DOCK4: variants seen among roughly 807,000 people sequenced by gnomAD.
The protein encoded by DOCK4 is dedicator of cytokinesis protein 4.
In DOCK4, 97 loss-of-function variants were observed where a neutral mutation model predicts 268.1. That is an observed-to-expected ratio of 0.36 (90% CI 0.31 to 0.43). DOCK4 has a LOEUF of 0.43. Among genes scored for constraint, DOCK4 ranks in the 20% least tolerant of loss-of-function variants. The pLI is 1.00. For synonymous variants in DOCK4, 954 were observed against 887.2 expected, an observed-to-expected ratio of 1.08 and a Z score of -1.34; for missense variants, 2,145 against 2,455.7, an observed-to-expected ratio of 0.87 and a Z score of 2.67.
Position 111,838,942 on chromosome 7 carries a change from C to T in DOCK4, c.2737-4256G>A, listed in dbSNP as rs183815157. Among the ~76,000 whole-genome samples, 5 of 152,286 alleles carry T rather than the reference C, an allele frequency of 3.3e-5. No individual in the cohort carries two copies. The East Asian group carries it at 9.6e-4, about 29-fold the overall frequency. ...ATGGAATGGCACTATGTGTAAATTA[C>T]CATACTTTGACTATGCTATTGAGTT... On this transcript the variant is annotated intron_variant, in intron 25 of 52. Coordinates refer to ENST00000428084, the MANE Select transcript of DOCK4 (RefSeq NM_001363540.2).
chr7:111,734,590 C>G (rs560187083), intron 51 of DOCK4, among the ~76,000 whole-genome samples: 1 of 152,292 alleles, frequency 6.6e-6, no homozygotes, highest in East Asian at 1.9e-4. Flanking sequence ...CAACAGATAA[C>G]TATGGATACA....
At chr7:111,895,540 AATGATAAG>A in intron 16 of DOCK4, 64 bp downstream of exon 16, 3 of 1,293,266 alleles carry the variant, frequency 2.3e-6, no homozygotes, top group Non-Finnish European at 3.3e-6. Flanking sequence ...CTCTTTTCAA[AATGATAAG>A]ATAGTGAGGT....
chr7:111,957,682 T>C (rs552492407), intron 8 of DOCK4, among the ~76,000 whole-genome samples: 3 of 152,320 alleles, frequency 2.0e-5, no homozygotes, highest in African/African-American at 7.2e-5. Flanking sequence ...TGTTCCTGTT[T>C]TATTCAATGA....
At chr7:112,154,119 T>C (rs1816370823) in intron 1 of DOCK4, among the ~76,000 whole-genome samples, 1 of 151,940 alleles carries the variant, frequency 6.6e-6, no homozygotes, top group African/African-American at 2.4e-5. Context: ...CCACGAGCAT[T>C]TGCCACCATG....
At chr7:111,810,614 A>T (rs56073539) in intron 28 of DOCK4, among the ~76,000 whole-genome samples, 10,490 of 151,450 alleles carry the variant, frequency 0.069, 1,211 homozygotes, top group African/African-American at 0.24. Flanking sequence ...ATCTCTTCTA[A>T]TGTTGGTGTA....
chr7:112,113,053 T>C (rs896209844), intron 1 of DOCK4, among the ~76,000 whole-genome samples: 2 of 152,172 alleles, frequency 1.3e-5, no homozygotes, highest in African/African-American at 4.8e-5. Context: ...GAAATTATAC[T>C]ACTGCATATT....
chr7:111,813,981 G>A (rs1801345433), intron 27 of DOCK4, among the ~76,000 whole-genome samples: 1 of 152,178 alleles, frequency 6.6e-6, no homozygotes, highest in Non-Finnish European at 1.5e-5. Context: ...CTGCTTTGAT[G>A]TTCAACGAGA....
intron 1 of DOCK4, among the ~76,000 whole-genome samples, chr7:112,039,797 A>C (rs1226652420): frequency 6.6e-6 from 1 of 152,168 alleles, no homozygotes; most frequent in East Asian, 1.9e-4. Context: ...TTCCCATGTT[A>C]ATAACTGAGT....
chr7:111,771,055 G>T (rs778171995), intron 36 of DOCK4, among the ~76,000 whole-genome samples: 27 of 152,174 alleles, frequency 1.8e-4, no homozygotes, highest in Non-Finnish European at 7.3e-5. Flanking sequence ...CATTCAGTTT[G>T]CACAGTTAGC....
intron 8 of DOCK4, among the ~76,000 whole-genome samples, chr7:111,955,590 C>T (rs941407312): frequency 4.6e-5 from 7 of 152,094 alleles, no homozygotes; most frequent in African/African-American, 7.2e-5. Context: ...TTCTCCGTCA[C>T]GCTATTTGTC....
At chr7:111,850,745 T>G (rs10225884) in intron 23 of DOCK4, among the ~76,000 whole-genome samples, 57,644 of 145,040 alleles carry the variant, frequency 0.4, 16,212 homozygotes, top group African/African-American at 0.8. Context: ...ACCCCTGCCC[T>G]CAAGAGAACA....
At chr7:112,190,590 C>A (rs895184872) in intron 1 of DOCK4, among the ~76,000 whole-genome samples, 1 of 151,504 alleles carries the variant, frequency 6.6e-6, no homozygotes, top group Non-Finnish European at 1.5e-5. Flanking sequence ...TTGCCCAGCA[C>A]GGGATGAGAT....
At chr7:111,777,901 C>T (rs1300754677) in intron 36 of DOCK4, among the ~76,000 whole-genome samples, 5 of 152,130 alleles carry the variant, frequency 3.3e-5, no homozygotes, top group Non-Finnish European at 7.4e-5. Flanking sequence ...AACTGTAAGT[C>T]AATTAAACCT....
chr7:112,036,419 G>T (rs1803770013), intron 1 of DOCK4, among the ~76,000 whole-genome samples: 1 of 152,014 alleles, frequency 6.6e-6, no homozygotes, highest in South Asian at 2.1e-4. Flanking sequence ...CTGAAAAAAA[G>T]AAAAAATAAC....
In DOCK4 at chr7:111,900,364, A is replaced by G. The variant is rs781268713; in HGVS notation, c.1480+10T>C. 18 of 1,611,508 alleles carry G rather than the reference A, an allele frequency of 1.1e-5. No individual in the cohort carries two copies. The highest frequency in any genetic ancestry group is 1.5e-5 in the Non-Finnish European group (18 of 1,178,878). ...ATAGACACAGGTAGCCAATGCCACC[A>G]AACACTTACTGGAACAATGCCGAAA... On this transcript the variant is annotated intron_variant, in intron 15 of 52. Transcript: ENST00000428084.
chr7:112,206,371 AC>A lies in DOCK4; in HGVS notation c.-234del. On this transcript the variant is annotated 5_prime_UTR_variant, in exon 1 of 53. It removes the in-frame stop codon of an upstream open reading frame in the 5' UTR. Coordinates refer to ENST00000428084, the MANE Select transcript of DOCK4 (RefSeq NM_001363540.2). ...ACAGTCCTCCGACGCGCTCCCGGGT[AC>A]CCGGCGGCGCAGTCATTGTTCTGAT... The A allele has an allele frequency of 1.7e-6, 1 of 583,768 alleles. No homozygotes were observed. 36.2% of individuals were successfully genotyped at this position (583,768 alleles called of 1,614,324 possible). A position where few individuals can be genotyped will look rare whatever the true frequency, so the allele number is the denominator to read the frequency against.
At chr7:112,022,176 C>A (rs1389587755) in intron 1 of DOCK4, among the ~76,000 whole-genome samples, 1 of 152,174 alleles carries the variant, frequency 6.6e-6, no homozygotes, top group African/African-American at 2.4e-5. Context: ...ATGTGTTTAG[C>A]GCGGTATAAT....
chr7:111,871,789 G>A (rs10253758), intron 20 of DOCK4, among the ~76,000 whole-genome samples: 22,789 of 152,120 alleles, frequency 0.15, 1,925 homozygotes, highest in Non-Finnish European at 0.18. Flanking sequence ...AATTCAGGAG[G>A]TTTTTTTCCC....
chr7:112,041,122 C>T (rs1804317929), intron 1 of DOCK4, among the ~76,000 whole-genome samples: 1 of 152,086 alleles, frequency 6.6e-6, no homozygotes, highest in African/African-American at 2.4e-5. Context: ...CAGGGAAATA[C>T]TGTTGAACAC....
Sources: gnomAD v4.1 joint callset for allele counts (sites outside exome capture counted in the v4.1 genomes callset) on GRCh38, gnomAD v4.1.1 for gene constraint, MANE v1.5 for transcripts, NCBI Gene and HGNC (gene_info 2026-07-23, HGNC 2026-07-21) for gene names.